The following TRIO variants were observed in gnomAD, a reference collection of about 807,000 sequenced individuals.
TRIO encodes triple functional domain protein.
A neutral mutation model predicts 351.9 loss-of-function variants in TRIO; 58 were observed. The observed-to-expected ratio is 0.16, with a 90% CI of 0.13 to 0.21. TRIO has a LOEUF of 0.21. TRIO is among the 10% of genes least tolerant of loss of function. The probability of loss-of-function intolerance (pLI) is 1.00; values close to 1 mark genes in which losing one functional copy is unlikely to be tolerated. For missense variants in TRIO, 3,201 were observed against 4,027.8 expected, an observed-to-expected ratio of 0.79 and a Z score of 5.56; for synonymous variants, 1,758 against 1,595.7, an observed-to-expected ratio of 1.10 and a Z score of -2.42.
At chr5:14,406,492 C>T in intron 32 of TRIO, 81 bp from the exon 33 acceptor site, 3 of 1,355,706 alleles carry the variant, frequency 2.2e-6, no homozygotes, top group Non-Finnish European at 2.1e-6. Context: ...CTGATATGCA[C>T]CTCATTAAAC....
intron 36 of TRIO, among the ~76,000 whole-genome samples, chr5:14,465,125 C>T (rs1754152233): frequency 6.6e-6 from 1 of 152,040 alleles, no homozygotes; most frequent in African/African-American, 2.4e-5. Flanking sequence ...TGTTTTGTTT[C>T]CTGATTATTC....
intron 34 of TRIO, among the ~76,000 whole-genome samples, chr5:14,437,999 T>A: frequency 6.6e-6 from 1 of 152,262 alleles, no homozygotes; most frequent in East Asian, 1.9e-4. Context: ...ACTATCTTGA[T>A]GGATCTTCTG....
intron 2 of TRIO, among the ~76,000 whole-genome samples, chr5:14,279,643 T>TTCTG (rs1735820845): frequency 6.6e-6 from 1 of 152,160 alleles, no homozygotes; most frequent in Admixed American, 6.5e-5. Context: ...CAAGAAATCG[T>TTCTG]TCTGCCTGCC....
intron 13 of TRIO, among the ~76,000 whole-genome samples, chr5:14,360,996 A>T (rs1744102005): frequency 6.6e-6 from 1 of 152,192 alleles, no homozygotes; most frequent in Admixed American, 6.5e-5. Context: ...AGGGCCTGCC[A>T]TGTCCTCCCC....
intron 9 of TRIO, among the ~76,000 whole-genome samples, chr5:14,328,097 T>TG (rs1316756944): frequency 6.6e-5 from 10 of 152,240 alleles, no homozygotes; most frequent in South Asian, 4.1e-4. Context: ...TACACTAATG[T>TG]GCTCAATACA....
At chr5:14,502,820 G>A (rs1210626744) in intron 54 of TRIO, among the ~76,000 whole-genome samples, 163 bp downstream of exon 54, 2 of 152,212 alleles carry the variant, frequency 1.3e-5, no homozygotes, top group Non-Finnish European at 1.5e-5. Flanking sequence ...GCTAAACACT[G>A]GGGAAGTAAG....
intron 11 of TRIO, among the ~76,000 whole-genome samples, chr5:14,348,023 A>G (rs752934725): frequency 6.6e-6 from 1 of 152,228 alleles, no homozygotes; most frequent in African/African-American, 2.4e-5. Flanking sequence ...TGAGTCCACA[A>G]TGCTGTCATG....
chr5:14,346,026 G>A (rs1742385188), intron 11 of TRIO, among the ~76,000 whole-genome samples: 1 of 152,202 alleles, frequency 6.6e-6, no homozygotes, highest in Admixed American at 6.5e-5. Flanking sequence ...GATCTTCGTT[G>A]TTCTTATTGA....
chr5:14,213,007 A>G (rs1165214379), intron 1 of TRIO, among the ~76,000 whole-genome samples: 1 of 152,208 alleles, frequency 6.6e-6, no homozygotes, highest in Non-Finnish European at 1.5e-5. Flanking sequence ...AGAAGAGTTC[A>G]GTTGCTGTTG....
intron 55 of TRIO, among the ~76,000 whole-genome samples, chr5:14,506,051 G>A (rs562532331): frequency 5.9e-5 from 9 of 152,284 alleles, no homozygotes; most frequent in South Asian, 2.1e-4. Flanking sequence ...GAGCCGAGCC[G>A]ACATCCAAGC....
intron 5 of TRIO, among the ~76,000 whole-genome samples, chr5:14,292,058 G>A (rs1048956497): frequency 1.4e-4 from 21 of 152,184 alleles, no homozygotes; most frequent in African/African-American, 5.1e-4. Context: ...TTACCCATAG[G>A]TATGTGTTGC....
chr5:14,410,812 C>T (rs899009137), intron 33 of TRIO, among the ~76,000 whole-genome samples: 1 of 152,172 alleles, frequency 6.6e-6, no homozygotes, highest in African/African-American at 2.4e-5. Context: ...CCAGGGAGCA[C>T]TGTCAGCAGA....
intron 9 of TRIO, 100 bp from the exon 10 acceptor site, chr5:14,330,676 TAC>T: frequency 1.5e-6 from 2 of 1,378,222 alleles, no homozygotes; most frequent in South Asian, 2.0e-5. Context: ...TCTTGTTTCT[TAC>T]AGAGTTTTAA....
At chr5:14,335,139 C>A (rs984596274) in intron 10 of TRIO, among the ~76,000 whole-genome samples, 1 of 152,198 alleles carries the variant, frequency 6.6e-6, no homozygotes, top group Admixed American at 6.5e-5. Context: ...CTCAAGTTTT[C>A]TCCTTCGCTA....
At chr5:14,299,287 C>T (rs905792759) in intron 7 of TRIO, among the ~76,000 whole-genome samples, 5 of 152,038 alleles carry the variant, frequency 3.3e-5, no homozygotes, top group Admixed American at 3.3e-4. Flanking sequence ...CATTATTGAA[C>T]AGAATTTCAT....
At chr5:14,227,381 T>A (rs923005255) in intron 1 of TRIO, among the ~76,000 whole-genome samples, 1 of 152,204 alleles carries the variant, frequency 6.6e-6, no homozygotes, top group African/African-American at 2.4e-5. Flanking sequence ...GCGTGGGAAA[T>A]TGAATCCTTG....
intron 8 of TRIO, among the ~76,000 whole-genome samples, chr5:14,308,681 CCATT>C (rs1448620671): frequency 1.1e-5 from 1 of 88,928 alleles, no homozygotes; most frequent in Non-Finnish European, 2.1e-5. Flanking sequence ...ATCCATCCAT[CCATT>C]CATTCTCCTA....
intron 1 of TRIO, among the ~76,000 whole-genome samples, chr5:14,220,065 A>T (rs1438302419): frequency 1.4e-3 from 123 of 84,950 alleles, no homozygotes; most frequent in East Asian, 3.0e-3. Context: ...TTTTTTTTTT[A>T]AAAACAAATT....
Position 14,507,270 on chromosome 5 carries a change from G to T in TRIO, c.8751+10G>T. On this transcript the variant is annotated intron_variant, in intron 56 of 56. Coordinates refer to ENST00000344204, the MANE Select transcript of TRIO (RefSeq NM_007118.4). ...ACACCTGGACCTAAAGGTTGGTGAG[G>T]CCCCGGGCAGGTGAAGGGGGGTCTG... 5 of 1,610,918 alleles carry T rather than the reference G, an allele frequency of 3.1e-6. No individual in the cohort carries two copies. Among genetic ancestry groups the T allele is most frequent in the Non-Finnish European group, 4.2e-6 (5 of 1,179,778 alleles).
Sources: gnomAD v4.1 joint callset for allele counts (sites outside exome capture counted in the v4.1 genomes callset) on GRCh38, gnomAD v4.1.1 for gene constraint, MANE v1.5 for transcripts, NCBI Gene and HGNC (gene_info 2026-07-23, HGNC 2026-07-21) for gene names.